BMPR1B: variants seen among roughly 807,000 people sequenced by gnomAD.
BMPR1B encodes the protein bone morphogenetic protein receptor type-1B.
In BMPR1B, 12 loss-of-function variants were observed where a neutral mutation model predicts 59.1. The ratio of observed to expected loss-of-function variants is 0.20; its 90% CI spans 0.13 to 0.33. The LOEUF (loss-of-function observed/expected upper bound fraction) is 0.33, where lower values mean the gene tolerates loss of function less well. BMPR1B is among the 10% of genes least tolerant of loss of function. BMPR1B has a pLI of 1.00. For missense variants in BMPR1B, 550 were observed against 610.9 expected (o/e 0.90, Z 1.05); for synonymous variants, 237 against 207.3 (o/e 1.14, Z -1.23).
At chr4:94,934,714 CA>C (rs1206758927) in intron 2 of BMPR1B, among the ~76,000 whole-genome samples, 1 of 152,062 alleles carries the variant, frequency 6.6e-6, no homozygotes, top group Non-Finnish European at 1.5e-5. Context: ...TCTGTATCAA[CA>C]TGGAATTAAT....
chr4:95,085,940 A>G (rs902000732), intron 3 of BMPR1B, among the ~76,000 whole-genome samples: 1 of 152,004 alleles, frequency 6.6e-6, no homozygotes, highest in African/African-American at 2.4e-5. Flanking sequence ...TTGTGGGAAT[A>G]ATTTGTTACC....
intron 4 of BMPR1B, among the ~76,000 whole-genome samples, chr4:95,113,696 T>C (rs1330075163): frequency 6.6e-6 from 1 of 152,174 alleles, no homozygotes; most frequent in Non-Finnish European, 1.5e-5. Flanking sequence ...TCAATGTCTG[T>C]TTACAAACAG....
intron 1 of BMPR1B, among the ~76,000 whole-genome samples, chr4:94,770,180 G>GTTTTTTTTTTTTTTT (rs1553903537): frequency 1.2e-4 from 13 of 106,244 alleles, no homozygotes; most frequent in African/African-American, 5.0e-4. Context: ...CTTCGTTTCT[G>GTTTTTTTTTTTTTTT]TGTTTGTTTT....
chr4:94,941,428 T>A (rs1174319035), intron 2 of BMPR1B, among the ~76,000 whole-genome samples: 7 of 138,564 alleles, frequency 5.1e-5, no homozygotes, highest in African/African-American at 1.9e-4. Context: ...GTGAAAACTG[T>A]CTCAAAAAAA....
intron 2 of BMPR1B, among the ~76,000 whole-genome samples, chr4:94,953,131 C>A (rs993873087): frequency 6.6e-6 from 1 of 151,928 alleles, no homozygotes; most frequent in African/African-American, 2.4e-5. Context: ...TCCTCCATCC[C>A]TTTATTTTGA....
At chr4:95,082,223 T>A (rs1408784129) in intron 3 of BMPR1B, among the ~76,000 whole-genome samples, 8 of 148,412 alleles carry the variant, frequency 5.4e-5, no homozygotes, top group African/African-American at 9.8e-5. Context: ...AATTTTTTTT[T>A]AACATAGTAA....
At chr4:94,982,737 A>C (rs1721167211) in intron 2 of BMPR1B, among the ~76,000 whole-genome samples, 1 of 152,162 alleles carries the variant, frequency 6.6e-6, no homozygotes, top group Non-Finnish European at 1.5e-5. Context: ...TCACGCCTGT[A>C]ATCCCAGCAC....
At chr4:94,885,709 A>G (rs1010074439) in intron 2 of BMPR1B, among the ~76,000 whole-genome samples, 1 of 152,210 alleles carries the variant, frequency 6.6e-6, no homozygotes, top group African/African-American at 2.4e-5. Flanking sequence ...TCTAGGATTT[A>G]AAAATATATG....
intron 2 of BMPR1B, among the ~76,000 whole-genome samples, chr4:94,921,947 A>G (rs955575316): frequency 2.0e-5 from 3 of 152,076 alleles, no homozygotes; most frequent in African/African-American, 7.2e-5. Context: ...TCTGAAAAAA[A>G]AAATTCTCAT....
intron 8 of BMPR1B, among the ~76,000 whole-genome samples, chr4:95,125,731 C>A (rs1424959556): frequency 6.6e-6 from 1 of 152,148 alleles, no homozygotes; most frequent in Admixed American, 6.6e-5. Context: ...AAACTGAGTT[C>A]TTCCAGTGTT....
intron 1 of BMPR1B, among the ~76,000 whole-genome samples, chr4:94,789,460 A>G (rs929530562): frequency 5.9e-5 from 9 of 152,282 alleles, no homozygotes; most frequent in African/African-American, 1.9e-4. Context: ...ACTGCACTGT[A>G]CGTTCATTAG....
At chr4:94,890,681 G>A (rs1173127830) in intron 2 of BMPR1B, among the ~76,000 whole-genome samples, 1 of 152,030 alleles carries the variant, frequency 6.6e-6, no homozygotes, top group African/African-American at 2.4e-5. Flanking sequence ...GGATTCTGGT[G>A]AGGTCTCTCT....
At chr4:94,799,633 C>T (rs1287762062) in intron 1 of BMPR1B, among the ~76,000 whole-genome samples, 2 of 151,172 alleles carry the variant, frequency 1.3e-5, no homozygotes, top group Non-Finnish European at 3.0e-5. Context: ...TTTTTTTTCC[C>T]TCTTTTGTTT....
At chr4:95,134,719 T>C (rs538188939) in intron 10 of BMPR1B, among the ~76,000 whole-genome samples, 3 of 151,996 alleles carry the variant, frequency 2.0e-5, no homozygotes, top group African/African-American at 7.2e-5. Flanking sequence ...GGGGTTGTTT[T>C]TTTCTTGTAA....
At chr4:94,879,972 G>T (rs1180678654) in intron 2 of BMPR1B, among the ~76,000 whole-genome samples, 3 of 152,052 alleles carry the variant, frequency 2.0e-5, no homozygotes, top group African/African-American at 4.8e-5. Context: ...GTTATTTGTG[G>T]TATTCATCCG....
chr4:95,114,033 C>G (rs1486168099), intron 4 of BMPR1B, among the ~76,000 whole-genome samples: 1 of 151,942 alleles, frequency 6.6e-6, no homozygotes, highest in Non-Finnish European at 1.5e-5. Flanking sequence ...CCATCTTTAC[C>G]CCACCCCCAA....
At chr4:95,022,440 T>C (rs1254905831) in intron 3 of BMPR1B, among the ~76,000 whole-genome samples, 1 of 152,216 alleles carries the variant, frequency 6.6e-6, no homozygotes, top group Non-Finnish European at 1.5e-5. Flanking sequence ...TGAATGATAG[T>C]AGAAATCATT....
intron 4 of BMPR1B, among the ~76,000 whole-genome samples, chr4:95,106,211 G>C (rs1444710943): frequency 3.3e-5 from 5 of 151,998 alleles, no homozygotes; most frequent in Non-Finnish European, 7.4e-5. Flanking sequence ...CTGTGACCTG[G>C]TGGGCTATAT....
intron 2 of BMPR1B, among the ~76,000 whole-genome samples, chr4:94,984,438 G>T (rs1721276320): frequency 6.6e-6 from 1 of 152,090 alleles, no homozygotes; most frequent in Non-Finnish European, 1.5e-5. Context: ...AAATATTTAA[G>T]AATCCCTATG....
Sources: gnomAD v4.1 joint callset for allele counts (sites outside exome capture counted in the v4.1 genomes callset) on GRCh38, gnomAD v4.1.1 for gene constraint, MANE v1.5 for transcripts, NCBI Gene and HGNC (gene_info 2026-07-23, HGNC 2026-07-21) for gene names.